Variants in MTCL2 observed in about 807,000 individuals in gnomAD.
MTCL2 encodes the protein microtubule crosslinking factor 2.
At chr20:36,847,590 C>T in the MTCL2 span, among the ~76,000 whole-genome samples, 371 of 152,242 alleles carry the variant, frequency 2.4e-3, 2 homozygotes, top group African/African-American at 8.4e-3. Flanking sequence ...CGGTGGCTCA[C>T]GCCTGTAATC....
the MTCL2 span, chr20:36,794,771 T>A: frequency 1.7e-6 from 1 of 578,778 alleles, no homozygotes; most frequent in Non-Finnish European, 2.7e-6. The surrounding 1 kb of genome is among the most constrained non-coding windows in gnomAD (Gnocchi z 5.4). Context: ...TGCATTTTCT[T>A]TTTTTTTTTT....
chr20:36,862,621 A>G, the MTCL2 span: 1 of 1,466,466 alleles, frequency 6.8e-7, no homozygotes. Flanking sequence ...ACAGCCGGCG[A>G]CCCCTGCGAC....
chr20:36,835,702 A>C, the MTCL2 span, among the ~76,000 whole-genome samples: 1 of 152,244 alleles, frequency 6.6e-6, no homozygotes, highest in Non-Finnish European at 1.5e-5. Context: ...AGGCCCGCAG[A>C]TGAGCTCAGC....
At chr20:36,785,554 C>T in the MTCL2 span, 34 of 985,428 alleles carry the variant, frequency 3.5e-5, no homozygotes, top group Middle Eastern at 5.2e-4. Flanking sequence ...CTTTGCCCCC[C>T]GACCAGCTGC....
chr20:36,828,829 T>G, the MTCL2 span: 1 of 500,324 alleles, frequency 2.0e-6, no homozygotes, highest in East Asian at 3.6e-5. Context: ...GGACAGGAAC[T>G]GGGTGTGTTT....
chr20:36,797,432 C>G, the MTCL2 span: 1 of 1,491,808 alleles, frequency 6.7e-7, no homozygotes, highest in Admixed American at 2.0e-5. Flanking sequence ...CCTCTCATGT[C>G]CCCCACAAGC....
chr20:36,796,111 A>G, the MTCL2 span, among the ~76,000 whole-genome samples: 1 of 152,194 alleles, frequency 6.6e-6, no homozygotes, highest in South Asian at 2.1e-4. Context: ...TCTTTGTCTC[A>G]GGGTTTGCTT....
chr20:36,790,951 G>A, the MTCL2 span, among the ~76,000 whole-genome samples: 4 of 152,066 alleles, frequency 2.6e-5, no homozygotes, highest in Non-Finnish European at 5.9e-5. Flanking sequence ...TAACGCACTC[G>A]CCACACACTG....
chr20:36,794,625 CGTT>C, the MTCL2 span: 3 of 1,613,880 alleles, frequency 1.9e-6, no homozygotes, highest in Non-Finnish European at 2.5e-6. The surrounding 1 kb of genome is among the most constrained non-coding windows in gnomAD (Gnocchi z 5.4). Flanking sequence ...GAGGAAACGT[CGTT>C]ATTAGTGGAA....
At chr20:36,832,097 T>G in the MTCL2 span, among the ~76,000 whole-genome samples, 2 of 152,236 alleles carry the variant, frequency 1.3e-5, no homozygotes, top group Non-Finnish European at 1.5e-5. Context: ...AAATGCTTGT[T>G]GGATGAACAA....
At chr20:36,828,855 C>T in the MTCL2 span, 2 of 585,746 alleles carry the variant, frequency 3.4e-6, no homozygotes, top group East Asian at 3.2e-5. Context: ...ACCATTGTAA[C>T]CTTAGTGTCC....
At chr20:36,808,436 A>G in the MTCL2 span, 1 of 1,251,898 alleles carries the variant, frequency 8.0e-7, no homozygotes. Context: ...AGTTGTGTCA[A>G]TACCAGCTGG....
At chr20:36,825,470 T>C in the MTCL2 span, among the ~76,000 whole-genome samples, 1 of 152,136 alleles carries the variant, frequency 6.6e-6, no homozygotes, top group Non-Finnish European at 1.5e-5. Context: ...ACGTCAACAC[T>C]CGTATTGGCT....
At chr20:36,796,949 G>T in the MTCL2 span, 4 of 1,613,924 alleles carry the variant, frequency 2.5e-6, no homozygotes, top group Non-Finnish European at 3.4e-6. Context: ...TTCTCACTGC[G>T]TGTCTGTCAA....
At chr20:36,788,810 T>C in the MTCL2 span, among the ~76,000 whole-genome samples, 36 of 146,190 alleles carry the variant, frequency 2.5e-4, 1 homozygote, top group Admixed American at 1.3e-3. Context: ...TCTTTTCTTT[T>C]TTTTTTTTTT....
At chr20:36,811,042 C>T in the MTCL2 span, among the ~76,000 whole-genome samples, 1 of 152,104 alleles carries the variant, frequency 6.6e-6, no homozygotes, top group Non-Finnish European at 1.5e-5. Context: ...TACATAAAAC[C>T]TTCCTAGGCA....
the MTCL2 span, among the ~76,000 whole-genome samples, chr20:36,850,066 GC>G: frequency 6.6e-6 from 1 of 152,130 alleles, no homozygotes. Flanking sequence ...CCAAGAGTCA[GC>G]CCCTAGTGTC....
the MTCL2 span, chr20:36,793,363 G>T: frequency 1.9e-6 from 3 of 1,551,752 alleles, no homozygotes; most frequent in Non-Finnish European, 2.6e-6. This position sits in a 1 kb window ranked among gnomAD's most constrained non-coding sequence, Gnocchi z 6.8. Context: ...CTGCCTTCTT[G>T]TTCAGGATCC....
At chr20:36,829,113 G>A in the MTCL2 span, 1 of 1,573,950 alleles carries the variant, frequency 6.4e-7, no homozygotes, top group South Asian at 1.2e-5. Context: ...GTCTCGATGA[G>A]CCGCTGACGA....
Sources: gnomAD v4.1 joint callset for allele counts (sites outside exome capture counted in the v4.1 genomes callset) on GRCh38, gnomAD v4.1.1 for gene constraint, Gnocchi (gnomAD v3.1) non-coding constraint, MANE v1.5 for transcripts, NCBI Gene and HGNC (gene_info 2026-07-23, HGNC 2026-07-21) for gene names.